Variants in HEATR5B observed in about 807,000 individuals in gnomAD.
HEATR5B encodes the protein HEAT repeat containing 5B, also known as HEAT repeat-containing protein 5B.
HEATR5B carries 156 observed loss-of-function variants against 224.1 expected under a neutral mutation model. The observed-to-expected ratio is 0.70, with a 90% CI of 0.61 to 0.80. The LOEUF is 0.80. Among genes scored for constraint, HEATR5B ranks in the 30% least tolerant of loss-of-function variants. HEATR5B has a pLI of 0.00. For synonymous variants in HEATR5B, 1,027 were observed against 893.0 expected, an observed-to-expected ratio of 1.15 and a Z score of -2.68; for missense variants, 2,323 against 2,535.5, an observed-to-expected ratio of 0.92 and a Z score of 1.80.
chr2:37,032,098 C>T (rs1029283930), intron 22 of HEATR5B, among the ~76,000 whole-genome samples: 2 of 152,154 alleles, frequency 1.3e-5, no homozygotes, highest in African/African-American at 2.4e-5. Flanking sequence ...AAAATTACAT[C>T]GCAAGAGGCT....
chr2:37,050,979 G>A (rs1441230367), intron 17 of HEATR5B, among the ~76,000 whole-genome samples: 1 of 152,118 alleles, frequency 6.6e-6, no homozygotes, highest in Non-Finnish European at 1.5e-5. Flanking sequence ...AGGCAGAGAT[G>A]AGACTGCAGT....
At position 37,013,858 on chromosome 2, in the gene HEATR5B, G is replaced by T; in HGVS notation, c.4267C>A (p.Leu1423Ile). 6.3e-7 allele frequency: 1 copy of T among 1,592,186 alleles called. No homozygotes were observed. Among genetic ancestry groups the T allele is most frequent in the Non-Finnish European group, 8.6e-7 (1 of 1,168,378 alleles). ...GTCGTTACCTCTGCCCAAGCTTTGA[G>T]AACAGCCAGTTTTTCCATGGTCGTG... ...SATTMEKLAV[L>I]KAWAEVYVVA... The change falls in exon 27 of 36, where the codon CTC (leucine) becomes ATC (isoleucine). Residue 1423 changes from leucine to isoleucine, a missense_variant. Physicochemically the swap from Leu to Ile is conservative, Grantham distance 5. Coordinates refer to ENST00000233099, the MANE Select transcript of HEATR5B (RefSeq NM_019024.3).
At chr2:37,044,558 T>C (rs1670071334) in intron 18 of HEATR5B, among the ~76,000 whole-genome samples, 1 of 152,222 alleles carries the variant, frequency 6.6e-6, no homozygotes, top group African/African-American at 2.4e-5. Context: ...TAAATAAAGC[T>C]ACTATAAAAG....
intron 24 of HEATR5B, 64 bp downstream of exon 24, chr2:37,027,859 A>G (rs938827766): frequency 4.6e-6 from 7 of 1,529,476 alleles, no homozygotes; most frequent in Non-Finnish European, 6.3e-6. Context: ...AAAATATCTC[A>G]TAGCAGCAAA....
chr2:37,006,904 C>T, intron 29 of HEATR5B, 146 bp downstream of exon 29: 5 of 645,992 alleles, frequency 7.7e-6, no homozygotes, highest in Non-Finnish European at 9.9e-6. Flanking sequence ...ATTCAATTAA[C>T]AATTTATAAG....
At chr2:36,985,054 T>C (rs1416623532) in intron 35 of HEATR5B, among the ~76,000 whole-genome samples, 1 of 152,166 alleles carries the variant, frequency 6.6e-6, no homozygotes, top group Non-Finnish European at 1.5e-5. Context: ...TGCCCATTCT[T>C]ATACCGGATA....
chr2:37,039,324 G>A (rs570340513), intron 20 of HEATR5B, among the ~76,000 whole-genome samples: 24 of 152,162 alleles, frequency 1.6e-4, no homozygotes, highest in Non-Finnish European at 2.6e-4. Context: ...AAATTAGCTG[G>A]GTGTAGTGGC....
chr2:36,980,940 A>T lies in HEATR5B; in HGVS notation c.*550T>A, dbSNP rs1665544961. 6.6e-6 allele frequency: 1 copy of T among 152,360 alleles called. No homozygotes were observed. Among genetic ancestry groups the T allele is most frequent in the South Asian group, 2.1e-4 (1 of 4,828 alleles). The allele number at this position is 152,360 out of a possible 1,614,324, so 9.4% of individuals were successfully genotyped here. Reference sequence around the variant, plus strand: ...TTAATTGTTACCAACTAAAATATACATAGCATAATTTAGTAATTTGATATG... The same window carrying T: ...TTAATTGTTACCAACTAAAATATACTTAGCATAATTTAGTAATTTGATATG... On this transcript the variant is annotated 3_prime_UTR_variant, in exon 36 of 36. Transcript: ENST00000233099.
At chr2:37,015,003 GA>G (rs962594793) in intron 26 of HEATR5B, among the ~76,000 whole-genome samples, 1 of 150,938 alleles carries the variant, frequency 6.6e-6, no homozygotes, top group Non-Finnish European at 1.5e-5. Flanking sequence ...AAAGGAATAG[GA>G]AAAAAAAATC....
chr2:37,080,285 G>A (rs1292820208), intron 2 of HEATR5B, among the ~76,000 whole-genome samples: 1 of 152,162 alleles, frequency 6.6e-6, no homozygotes, highest in South Asian at 2.1e-4. Context: ...CTGAGTAAGA[G>A]TTTGAAGCAG....
At chr2:37,051,502 C>T (rs1670549041) in intron 17 of HEATR5B, among the ~76,000 whole-genome samples, 1 of 151,798 alleles carries the variant, frequency 6.6e-6, no homozygotes, top group South Asian at 2.1e-4. Context: ...GACCAAAAAT[C>T]TATGTCACAT....
chr2:37,055,653 A>C (rs1670864159), intron 16 of HEATR5B, among the ~76,000 whole-genome samples: 1 of 152,218 alleles, frequency 6.6e-6, no homozygotes, highest in African/African-American at 2.4e-5. Context: ...TGTAGAGATG[A>C]GTGTCTCACT....
At chr2:36,985,039 T>C (rs1665853426) in intron 35 of HEATR5B, among the ~76,000 whole-genome samples, 1 of 152,172 alleles carries the variant, frequency 6.6e-6, no homozygotes, top group Non-Finnish European at 1.5e-5. Flanking sequence ...TGAAAAAACA[T>C]ATACTGCCCA....
intron 2 of HEATR5B, among the ~76,000 whole-genome samples, chr2:37,080,349 A>C (rs536190006): frequency 6.6e-6 from 1 of 152,272 alleles, no homozygotes; most frequent in South Asian, 2.1e-4. Context: ...TTCTAAGAAT[A>C]CTCTATATGG....
In HEATR5B at chr2:37,064,765, A is replaced by G; in HGVS notation, c.1559T>C (p.Leu520Ser). ...ALLGGVHQCPLGIPHAKGKMV... is the reference protein window; with the variant it reads ...ALLGGVHQCPSGIPHAKGKMV... ...CTTTCCTTTGGCATGAGGAATGCCC[A>G]AAGGACACTGATGTACTCCACCTAA... Residue 520 changes from leucine (L) to serine (S), a missense_variant, in exon 10 of 36, where the codon TTG becomes TCG. By Grantham distance (145) the Leu-to-Ser change is moderately radical (BLOSUM62 -2). Coordinates refer to ENST00000233099, the MANE Select transcript of HEATR5B (RefSeq NM_019024.3). 6.2e-7 allele frequency: 1 copy of G among 1,614,070 alleles called. No homozygotes were observed. Among genetic ancestry groups the G allele is most frequent in the Non-Finnish European group, 8.5e-7 (1 of 1,179,988 alleles).
intron 26 of HEATR5B, among the ~76,000 whole-genome samples, chr2:37,019,462 T>C (rs958614960): frequency 3.4e-5 from 5 of 146,594 alleles, no homozygotes; most frequent in Non-Finnish European, 4.5e-5. Flanking sequence ...CTCTCTCTCT[T>C]TTTTTTTTTT....
chr2:37,007,166 G>A lies in HEATR5B; in HGVS notation c.4661C>T (p.Ala1554Val). The change falls in exon 29 of 36, where the codon GCA (alanine) becomes GTA (valine). Residue 1554 changes from alanine to valine, a missense_variant. This residue lies in a region of HEATR5B where 844 missense variants were observed against 812.9 expected (regional missense o/e 1.04). Transcript: ENST00000233099. ...FTCSESTEAA[A>V]ISGLQKRSTS... Reference sequence around the variant, plus strand: ...AGAACGTTTTTGTAAACCAGATATTGCTGCTGCTTCTGTAGACTCTGAGCA... The same window carrying A: ...AGAACGTTTTTGTAAACCAGATATTACTGCTGCTTCTGTAGACTCTGAGCA... The A allele has an allele frequency of 6.2e-7, 1 of 1,614,012 alleles. No individual in the cohort carries two copies. The highest frequency in any genetic ancestry group is 1.1e-5 in the South Asian group (1 of 91,082).
chr2:37,028,113 C>T lies in HEATR5B; in HGVS notation c.3663G>A (p.Glu1221=). 6.2e-7 allele frequency: 1 copy of T among 1,612,158 alleles called. No individual in the cohort carries two copies. Among genetic ancestry groups the T allele is most frequent in the Non-Finnish European group, 8.5e-7 (1 of 1,178,200 alleles). The part of the protein sequence containing the change: ...GKDEEAEKKD[E]MDDDTMFTTL... ...TGGTAAACATGGTATCATCATCCAT[C>T]TCATCTTTCTTTTCAGCTTCTTCAT... Residue 1221 remains glutamate, a synonymous_variant, in exon 24 of 36, where the codon GAG becomes GAA. Transcript: ENST00000233099.
chr2:37,083,251 C>T (rs1672730204), intron 2 of HEATR5B, 38 bp downstream of exon 2: 1 of 1,611,094 alleles, frequency 6.2e-7, no homozygotes, highest in African/African-American at 1.3e-5. Context: ...ATAATCTCTT[C>T]ACGTTAATGC....
Sources: gnomAD v4.1 joint callset for allele counts (sites outside exome capture counted in the v4.1 genomes callset) on GRCh38, gnomAD v4.1.1 for gene constraint, gnomAD v4.1.1 regional missense constraint, MANE v1.5 for transcripts, NCBI Gene and HGNC (gene_info 2026-07-23, HGNC 2026-07-21) for gene names.